The following GRHL1 variants were observed in gnomAD, a reference collection of about 807,000 sequenced individuals.
The protein encoded by GRHL1 is grainyhead-like protein 1 homolog.
GRHL1 carries 38 observed loss-of-function variants against 75.7 expected under a neutral mutation model. That is an observed-to-expected ratio of 0.50 (90% CI 0.39 to 0.66). The LOEUF (loss-of-function observed/expected upper bound fraction) is 0.66, where lower values mean the gene tolerates loss of function less well. Among genes scored for constraint, GRHL1 ranks in the 30% least tolerant of loss-of-function variants. GRHL1 has a pLI of 0.00. For missense variants in GRHL1, 589 were observed against 767.5 expected, an observed-to-expected ratio of 0.77 and a Z score of 2.75; for synonymous variants, 266 against 279.4, an observed-to-expected ratio of 0.95 and a Z score of 0.48.
Position 10,000,944 on chromosome 2 carries a change from G to C in GRHL1, c.*237G>C, listed in dbSNP as rs1395987590. 1 of 356,890 alleles carries C rather than the reference G, an allele frequency of 2.8e-6. No individual in the cohort carries two copies. Among genetic ancestry groups the C allele is most frequent in the Non-Finnish European group, 5.0e-6 (1 of 198,996 alleles). The allele number at this position is 356,890 out of a possible 1,614,324, so 22.1% of individuals were successfully genotyped here. On this transcript the variant is annotated 3_prime_UTR_variant, in exon 16 of 16. Coordinates refer to ENST00000324907, the MANE Select transcript of GRHL1 (RefSeq NM_198182.3). ...ATATACCATTATGTTTGAATTTCCT[G>C]ATATATACAGGATTTAAAGTGAAAA...
chr2:9,960,607 C>T (rs1304615325), intron 3 of GRHL1: 5 of 162,432 alleles, frequency 3.1e-5, no homozygotes, highest in Non-Finnish European at 6.8e-5. Flanking sequence ...AGAATGGATG[C>T]CATTATTGTC....
At chr2:9,954,183 T>C (rs1666913254) in intron 1 of GRHL1, among the ~76,000 whole-genome samples, 1 of 152,234 alleles carries the variant, frequency 6.6e-6, no homozygotes, top group South Asian at 2.1e-4. Flanking sequence ...AGCCAGATTT[T>C]CCCACCTATT....
At position 9,990,365 on chromosome 2, in the gene GRHL1, G is replaced by A. The variant is rs1668588622; in HGVS notation, c.1270-331G>A. 1.3e-5 allele frequency among the ~76,000 whole-genome samples: 2 copies of A among 152,008 alleles called. No individual in the cohort carries two copies. Among genetic ancestry groups the A allele is most frequent in the African/African-American group, 4.8e-5 (2 of 41,376 alleles). On this transcript the variant is annotated intron_variant, in intron 9 of 15. Coordinates refer to ENST00000324907, the MANE Select transcript of GRHL1 (RefSeq NM_198182.3). The surrounding 1 kb of genome is among the most constrained non-coding windows in gnomAD (Gnocchi z 4.2). ...GGGGTTTCACCATGTTGGCCAGGCT[G>A]GTCTCGAACTCCTGACCTCAAATGA...
chr2:9,961,452 C>T lies in GRHL1; in HGVS notation c.669+16C>T. On this transcript the variant is annotated intron_variant, in intron 4 of 15. Coordinates refer to ENST00000324907, the MANE Select transcript of GRHL1 (RefSeq NM_198182.3). The stretch of plus-strand genomic sequence containing the variant: ...CGTTCAGGAGGTAAGGAAACAAAAA[C>T]ATCTTCCTAAGACGCCTGCGTGTTT... 6.3e-7 allele frequency: 1 copy of T among 1,589,262 alleles called. No individual in the cohort carries two copies. Among genetic ancestry groups the T allele is most frequent in the East Asian group, 2.3e-5 (1 of 44,402 alleles).
chr2:9,974,718 C>T (rs1456249639), intron 8 of GRHL1, among the ~76,000 whole-genome samples: 1 of 152,174 alleles, frequency 6.6e-6, no homozygotes, highest in Non-Finnish European at 1.5e-5. Flanking sequence ...CTGTTGCTAC[C>T]CTGTGGAAGA....
chr2:9,994,484 C>T (rs73913937), intron 12 of GRHL1, among the ~76,000 whole-genome samples: 34,163 of 151,892 alleles, frequency 0.22, 4,219 homozygotes, highest in African/African-American at 0.34. Context: ...ATCCCTCTTC[C>T]CTCATCTTCC....
In GRHL1 at chr2:9,965,268, C is replaced by T; in HGVS notation, c.1016-19C>T. The T allele has an allele frequency of 7.0e-7, 1 of 1,425,386 alleles. No homozygotes were observed. Among genetic ancestry groups the T allele is most frequent in the Non-Finnish European group, 9.9e-7 (1 of 1,008,766 alleles). 88.3% of individuals were successfully genotyped at this position (1,425,386 alleles called of 1,614,324 possible). On this transcript the variant is annotated intron_variant, in intron 7 of 15. Coordinates refer to ENST00000324907, the MANE Select transcript of GRHL1 (RefSeq NM_198182.3). ...TAAGACTCATGAGTTTTCATTTTCT[C>T]TTCCACCGCTTCCTGTAGCTGACTA... is the stretch of plus-strand genomic sequence containing the variant.
intron 3 of GRHL1, chr2:9,960,372 G>A (rs1667222280): frequency 6.6e-6 from 1 of 152,282 alleles, no homozygotes; most frequent in African/African-American, 2.4e-5. Flanking sequence ...CCGGGAGGCG[G>A]AGGTTGCAGT....
In GRHL1 at chr2:9,964,273, A is replaced by G. The variant is rs748940383; in HGVS notation, c.942A>G (p.Arg314=). 14 of 1,612,710 alleles carry G rather than the reference A, an allele frequency of 8.7e-6. No homozygotes were observed. The Admixed American group carries it at 2.3e-4, about 27-fold the overall frequency. ...IMVVFAEDKS[R]EDQLRHWKYW... is the part of the protein sequence containing the mutation. ...TGGTTTTTGCTGAAGACAAAAGCAG[A>G]GAAGATCAGTTAAGGCATTGGAAGT... Residue 314 remains arginine, a synonymous_variant, in exon 7 of 16, where the codon AGA becomes AGG. Coordinates refer to ENST00000324907, the MANE Select transcript of GRHL1 (RefSeq NM_198182.3).
intron 2 of GRHL1, among the ~76,000 whole-genome samples, chr2:9,958,461 A>G (rs1050987397): frequency 2.0e-5 from 3 of 151,798 alleles, no homozygotes; most frequent in East Asian, 3.8e-4. Context: ...GATTACAGAC[A>G]TGAGCCACCA....
At chr2:9,984,015 G>A (rs1668311059) in intron 8 of GRHL1, among the ~76,000 whole-genome samples, 1 of 152,096 alleles carries the variant, frequency 6.6e-6, no homozygotes, top group African/African-American at 2.4e-5. Context: ...TTAGCCAGGT[G>A]TGGTGGTGCA....
intron 15 of GRHL1, among the ~76,000 whole-genome samples, chr2:9,999,465 T>C (rs1669175065): frequency 6.6e-6 from 1 of 152,224 alleles, no homozygotes; most frequent in African/African-American, 2.4e-5. Context: ...GGCACTGGGT[T>C]GGGCACGTCC....
At chr2:9,977,430 C>T (rs904691884) in intron 8 of GRHL1, among the ~76,000 whole-genome samples, 8 of 152,320 alleles carry the variant, frequency 5.3e-5, no homozygotes, top group South Asian at 2.1e-4. Flanking sequence ...AAGCAATTCT[C>T]GTGCCTCAGC....
intron 3 of GRHL1, 52 bp from the exon 4 acceptor site, chr2:9,960,994 G>A (rs1285948973): frequency 3.5e-6 from 5 of 1,429,110 alleles, no homozygotes; most frequent in Non-Finnish European, 4.7e-6. Flanking sequence ...AATAAAAATT[G>A]TCAAAGAACT....
chr2:9,973,789 GA>G (rs1269999011), intron 8 of GRHL1, among the ~76,000 whole-genome samples: 7 of 152,138 alleles, frequency 4.6e-5, no homozygotes, highest in Non-Finnish European at 8.8e-5. Flanking sequence ...TGACTAAGTT[GA>G]ATTTAAATAA....
intron 8 of GRHL1, among the ~76,000 whole-genome samples, chr2:9,970,703 C>T (rs1451496824): frequency 6.6e-6 from 1 of 152,138 alleles, no homozygotes; most frequent in Non-Finnish European, 1.5e-5. Flanking sequence ...AAAATCAGAG[C>T]GCCTTGTTCC....
chr2:9,951,748 C>T lies in GRHL1; in HGVS notation c.-86C>T. The T allele has an allele frequency of 7.7e-7, 1 of 1,298,430 alleles. No homozygotes were observed. The highest frequency in any genetic ancestry group is 1.3e-5 in the South Asian group (1 of 74,948). The allele number at this position is 1,298,430 out of a possible 1,614,324, so 80.4% of individuals were successfully genotyped here. A position where few individuals can be genotyped will look rare whatever the true frequency, so the allele number is the denominator to read the frequency against. On this transcript the variant is annotated 5_prime_UTR_variant, in exon 1 of 16. Transcript: ENST00000324907. The surrounding 1 kb of genome is among the most constrained non-coding windows in gnomAD (Gnocchi z 4.2). ...GGCCGCCGCTCCGGACCCGCAGCCG[C>T]CGCCGCCGCCTCCTCCCCCCGGATC...
chr2:9,993,309 C>A, intron 12 of GRHL1, 65 bp downstream of exon 12: 1 of 1,329,770 alleles, frequency 7.5e-7, no homozygotes, highest in Non-Finnish European at 1.1e-6. Context: ...TGTAGAAAAA[C>A]TGCAAGTACA....
rs1405944203 is a variant in GRHL1, at chr2:10,001,156, C to T, written c.*449C>T. ...CTTGCCTGAATTCAGTACAACTCCA[C>T]TGCCTCACGTTAGCGGGAGCGCACC... On this transcript the variant is annotated 3_prime_UTR_variant, in exon 16 of 16. Transcript: ENST00000324907. 6.5e-6 allele frequency: 1 copy of T among 153,236 alleles called. No homozygotes were observed. Among genetic ancestry groups the T allele is most frequent in the Non-Finnish European group, 1.5e-5 (1 of 68,474 alleles). 9.5% of individuals were successfully genotyped at this position (153,236 alleles called of 1,614,324 possible).
Sources: allele counts gnomAD v4.1 joint callset (sites outside exome capture counted in the v4.1 genomes callset), GRCh38; gene constraint gnomAD v4.1.1; non-coding constraint Gnocchi (gnomAD v3.1); transcripts MANE v1.5; gene names NCBI Gene and HGNC (gene_info 2026-07-23, HGNC 2026-07-21).